The following RBM26 variants were observed in gnomAD, a reference collection of about 807,000 sequenced individuals.
RBM26 encodes RNA binding motif protein 26, also known as RNA-binding protein 26.
In RBM26, 30 loss-of-function variants were observed where a neutral mutation model predicts 123.6. The ratio of observed to expected loss-of-function variants is 0.24; its 90% CI spans 0.18 to 0.33. The LOEUF (loss-of-function observed/expected upper bound fraction) is 0.33. Among genes scored for constraint, RBM26 ranks in the 10% least tolerant of loss-of-function variants. The pLI is 1.00. For synonymous variants in RBM26, 400 were observed against 404.4 expected (o/e 0.99, Z 0.13); for missense variants, 947 against 1,203.6 (o/e 0.79, Z 3.15).
chr13:79,315,776 A>G (rs968934289), downstream of RBM26, among the ~76,000 whole-genome samples: 5 of 151,930 alleles, frequency 3.3e-5, no homozygotes, highest in African/African-American at 1.2e-4. Flanking sequence ...GTTTTTCATT[A>G]GCAATTAATG....
intron 18 of RBM26, among the ~76,000 whole-genome samples, chr13:79,338,903 G>T (rs1173173398): frequency 6.6e-6 from 1 of 152,094 alleles, no homozygotes; most frequent in Non-Finnish European, 1.5e-5. Context: ...TGAAGCAAAG[G>T]GAGAAATCAA....
At chr13:79,378,037 G>A (rs962695807) in intron 2 of RBM26, among the ~76,000 whole-genome samples, 2 of 152,196 alleles carry the variant, frequency 1.3e-5, no homozygotes, top group South Asian at 2.1e-4. Context: ...TTTTCAAGAC[G>A]GTAGGGACTG....
At chr13:79,364,783 T>C (rs954999742) in intron 9 of RBM26, among the ~76,000 whole-genome samples, 3 of 152,166 alleles carry the variant, frequency 2.0e-5, no homozygotes, top group African/African-American at 7.2e-5. Context: ...CAAAAGTCTG[T>C]CTCCTCTAAG....
Position 79,365,989 on chromosome 13 carries a change from G to A in RBM26, c.1276+66C>T, listed in dbSNP as rs1483543511. The A allele has an allele frequency of 6.8e-6, 10 of 1,480,406 alleles. No individual in the cohort carries two copies. The South Asian group carries it at 1.2e-4, about 18-fold the overall frequency. The allele number at this position is 1,480,406 out of a possible 1,614,324, so 91.7% of individuals were successfully genotyped here. ...AGTCCTCACAGAGCAATTCTCTCTA[G>A]ACATTTTAAAATTCTTCATCTAAAA... On this transcript the variant is annotated intron_variant, in intron 8 of 21. Coordinates refer to ENST00000438737, the MANE Select transcript of RBM26 (RefSeq NM_001366735.2).
chr13:79,361,366 A>T (rs2074665777), intron 9 of RBM26, among the ~76,000 whole-genome samples: 1 of 150,714 alleles, frequency 6.6e-6, no homozygotes, highest in Non-Finnish European at 1.5e-5. Context: ...ACTCCATTTT[A>T]AAAAAAAGAA....
intron 9 of RBM26, among the ~76,000 whole-genome samples, chr13:79,363,972 G>A (rs1489549830): frequency 6.6e-6 from 1 of 152,122 alleles, no homozygotes; most frequent in African/African-American, 2.4e-5. Context: ...ATGCTAAATA[G>A]TTATCCAAAG....
intron 1 of RBM26, among the ~76,000 whole-genome samples, chr13:79,393,594 C>T (rs138070457): frequency 4.9e-4 from 75 of 152,290 alleles, no homozygotes; most frequent in African/African-American, 1.8e-3. Context: ...GTACCATCTT[C>T]GGCTGGAGAC....
At chr13:79,405,674 C>A in intron 1 of RBM26, 30 bp downstream of exon 1, 1 of 1,514,348 alleles carries the variant, frequency 6.6e-7, no homozygotes, top group Non-Finnish European at 9.1e-7. Flanking sequence ...CACTGCCATC[C>A]CTGCAAAGAG....
At chr13:79,358,487 A>G in intron 10 of RBM26, 54 bp from the exon 11 acceptor site, 1 of 1,332,432 alleles carries the variant, frequency 7.5e-7, no homozygotes, top group Non-Finnish European at 1.0e-6. Flanking sequence ...ACCCTAACCA[A>G]ATACAAGGGA....
rs1555331763 is a variant in RBM26 at position 79,373,713 on chromosome 13, ATT to A, written c.328-1785_328-1784del. ...AATATATAATATTTTATATATATATATTACTATATATAATAATATATAATATT... is the reference window on the plus strand; with the variant it reads ...AATATATAATATTTTATATATATATAACTATATATAATAATATATAATATT... On this transcript the variant is annotated intron_variant, in intron 3 of 21. Coordinates refer to ENST00000438737, the MANE Select transcript of RBM26 (RefSeq NM_001366735.2). Among the ~76,000 whole-genome samples the A allele has an allele frequency of 1.7e-4, 9 of 54,454 alleles. 1 individual carries two copies. Among genetic ancestry groups the A allele is most frequent in the African/African-American group, 3.9e-4 (9 of 22,956 alleles). 35.7% of individuals were successfully genotyped at this position (54,454 alleles called of 152,430 possible). A position where few individuals can be genotyped will look rare whatever the true frequency, so the allele number is the denominator to read the frequency against.
intron 1 of RBM26, among the ~76,000 whole-genome samples, chr13:79,391,545 TC>T (rs1327806194): frequency 2.0e-5 from 3 of 152,096 alleles, no homozygotes; most frequent in African/African-American, 7.2e-5. Context: ...TGCTTCAGCT[TC>T]CCCTGTAGCT....
At chr13:79,390,316 T>G (rs893543173) in intron 1 of RBM26, among the ~76,000 whole-genome samples, 31 of 152,276 alleles carry the variant, frequency 2.0e-4, no homozygotes, top group African/African-American at 7.5e-4. Context: ...ATAATATGGA[T>G]AAATCTCAGG....
At chr13:79,358,583 C>T in intron 10 of RBM26, 150 bp from the exon 11 acceptor site, 2 of 672,862 alleles carry the variant, frequency 3.0e-6, no homozygotes, top group Non-Finnish European at 4.9e-6. Context: ...TTTAAATTTT[C>T]TTCCAACAAT....
chr13:79,364,312 T>G (rs189846648), intron 9 of RBM26, among the ~76,000 whole-genome samples: 1 of 152,158 alleles, frequency 6.6e-6, no homozygotes, highest in Non-Finnish European at 1.5e-5. Flanking sequence ...CAGAATCTGA[T>G]AGCTAGCTTC....
At chr13:79,386,356 G>A (rs1189537628) in intron 1 of RBM26, among the ~76,000 whole-genome samples, 2 of 150,486 alleles carry the variant, frequency 1.3e-5, no homozygotes, top group Admixed American at 6.6e-5. Context: ...GGAAATTCCA[G>A]GAATCCTGAT....
chr13:79,325,728 C>T (rs2068293108), intron 20 of RBM26, among the ~76,000 whole-genome samples: 1 of 151,990 alleles, frequency 6.6e-6, no homozygotes, highest in Admixed American at 6.6e-5. Flanking sequence ...TTAGTATAGC[C>T]TAAGTGTACA....
intron 11 of RBM26, among the ~76,000 whole-genome samples, chr13:79,355,878 A>G (rs1341702486): frequency 1.3e-5 from 2 of 152,210 alleles, no homozygotes; most frequent in Non-Finnish European, 2.9e-5. Flanking sequence ...AGACCATGTA[A>G]CAACAGCATC....
chr13:79,392,062 ATG>A (rs576169314), intron 1 of RBM26, among the ~76,000 whole-genome samples: 36 of 140,934 alleles, frequency 2.6e-4, no homozygotes, highest in African/African-American at 6.8e-4. Flanking sequence ...TTATATAATT[ATG>A]TATTATACAA....
intron 20 of RBM26, among the ~76,000 whole-genome samples, chr13:79,329,352 TG>T (rs528186714): frequency 2.1e-3 from 320 of 152,156 alleles, no homozygotes; most frequent in African/African-American, 7.2e-3. Context: ...TATATATGTA[TG>T]TTTTTTTTTC....
Sources: allele counts gnomAD v4.1 joint callset (sites outside exome capture counted in the v4.1 genomes callset), GRCh38; gene constraint gnomAD v4.1.1; transcripts MANE v1.5; gene names NCBI Gene and HGNC (gene_info 2026-07-23, HGNC 2026-07-21).